Variants in KCNN1 observed in about 807,000 individuals in gnomAD.
KCNN1 encodes the protein potassium calcium-activated channel subfamily N member 1, also known as small conductance calcium-activated potassium channel protein 1.
A neutral mutation model predicts 44.7 loss-of-function variants in KCNN1; 20 were observed. That is an observed-to-expected ratio of 0.45 (90% CI 0.32 to 0.65). The LOEUF is 0.65. Ranked by LOEUF, KCNN1 falls within the 30% of genes least tolerant of loss-of-function variation. The pLI, the probability that KCNN1 is intolerant of heterozygous loss-of-function variation, is 0.05. For missense variants in KCNN1, 632 were observed against 785.3 expected, an observed-to-expected ratio of 0.80 and a Z score of 2.33; for synonymous variants, 324 against 341.7, an observed-to-expected ratio of 0.95 and a Z score of 0.57.
At chr19:17,971,672 C>T (rs770363206) in intron 1 of KCNN1, among the ~76,000 whole-genome samples, 6 of 151,700 alleles carry the variant, frequency 4.0e-5, no homozygotes, top group Non-Finnish European at 7.4e-5. Flanking sequence ...CCATGTTGGT[C>T]AGGCTGGTCT....
chr19:17,957,070 C>CA (rs2031559163), intron 2 of KCNN1, among the ~76,000 whole-genome samples: 2 of 94,282 alleles, frequency 2.1e-5, no homozygotes, highest in South Asian at 4.0e-4. Flanking sequence ...CAAAACAAAA[C>CA]AAAAAAACAA....
intron 1 of KCNN1, chr19:17,952,246 C>G (rs1364655732): frequency 6.6e-6 from 1 of 151,986 alleles, no homozygotes; most frequent in Non-Finnish European, 1.5e-5. Flanking sequence ...GCGCGCACAC[C>G]CTCCCGGCTC....
chr19:17,984,154 T>C (rs1027213464), intron 4 of KCNN1, among the ~76,000 whole-genome samples: 1 of 147,430 alleles, frequency 6.8e-6, no homozygotes, highest in African/African-American at 2.5e-5. Context: ...CAGAGAGAGA[T>C]ATTGTCTCAA....
intron 1 of KCNN1, 97 bp from the exon 2 acceptor site, chr19:17,973,711 C>A: frequency 7.2e-7 from 1 of 1,392,944 alleles, no homozygotes; most frequent in South Asian, 1.5e-5. Flanking sequence ...TGGGCCACTC[C>A]CAAACTTAGA....
intron 1 of KCNN1, among the ~76,000 whole-genome samples, chr19:17,968,435 G>T (rs1321572185): frequency 6.6e-6 from 1 of 151,894 alleles, no homozygotes; most frequent in Non-Finnish European, 1.5e-5. Context: ...TGGGGGGGAG[G>T]CACCATGAGG....
intron 9 of KCNN1, among the ~76,000 whole-genome samples, chr19:17,995,062 A>G (rs2032935531): frequency 6.6e-6 from 1 of 152,028 alleles, no homozygotes; most frequent in Non-Finnish European, 1.5e-5. Context: ...GTCCCATTCT[A>G]TTTTATTTCT....
intron 1 of KCNN1, among the ~76,000 whole-genome samples, chr19:17,972,846 C>T (rs546823080): frequency 6.6e-6 from 1 of 152,336 alleles, no homozygotes; most frequent in African/African-American, 2.4e-5. Flanking sequence ...ATTTCATCTT[C>T]CAGCGTTCAG....
intron 2 of KCNN1, among the ~76,000 whole-genome samples, chr19:17,961,337 G>T (rs1333989902): frequency 6.6e-6 from 1 of 152,008 alleles, no homozygotes; most frequent in African/African-American, 2.4e-5. Context: ...AGCACTTTGG[G>T]AGGCTGAGAT....
At chr19:17,960,064 CAG>C (rs1174239950) in intron 2 of KCNN1, among the ~76,000 whole-genome samples, 1 of 149,662 alleles carries the variant, frequency 6.7e-6, no homozygotes, top group Admixed American at 6.7e-5. Context: ...GCCTGGGCAA[CAG>C]AGTGAGACTC....
At chr19:17,987,732 C>T (rs1357661642) in intron 5 of KCNN1, among the ~76,000 whole-genome samples, 1 of 150,690 alleles carries the variant, frequency 6.6e-6, no homozygotes, top group African/African-American at 2.4e-5. Flanking sequence ...GGTAATGGCT[C>T]ATGCCTGTAA....
At chr19:17,992,993 C>T (rs2145973183) in intron 7 of KCNN1, 61 bp from the exon 8 acceptor site, 1 of 1,606,656 alleles carries the variant, frequency 6.2e-7, no homozygotes, top group Non-Finnish European at 8.5e-7. Flanking sequence ...ACATGCCGAA[C>T]AACTGTGCTG....
At chr19:17,988,085 G>A (rs991370449) in intron 5 of KCNN1, among the ~76,000 whole-genome samples, 2 of 149,906 alleles carry the variant, frequency 1.3e-5, no homozygotes, top group African/African-American at 4.9e-5. Flanking sequence ...AACCTGGGAA[G>A]TGGAGGTTGC....
intron 3 of KCNN1, 32 bp from the exon 4 acceptor site, chr19:17,981,677 A>G: frequency 6.5e-7 from 1 of 1,540,772 alleles, no homozygotes; most frequent in South Asian, 1.2e-5. Flanking sequence ...CGTGTCTGAC[A>G]CCCATGGCTG....
intron 1 of KCNN1, among the ~76,000 whole-genome samples, chr19:17,971,223 C>T (rs2032011432): frequency 6.6e-6 from 1 of 152,194 alleles, no homozygotes; most frequent in Non-Finnish European, 1.5e-5. Flanking sequence ...TGACGATCTG[C>T]TAGTCTGTCA....
upstream of KCNN1, among the ~76,000 whole-genome samples, chr19:17,966,229 G>A (rs1380331191): frequency 6.6e-6 from 1 of 152,202 alleles, no homozygotes; most frequent in Non-Finnish European, 1.5e-5. Context: ...TAGGAGGTGG[G>A]ATCTGCTGGC....
chr19:17,974,211 A>T lies in KCNN1; in HGVS notation c.323A>T (p.Asp108Val), dbSNP rs1298646725. 1.2e-6 allele frequency: 2 copies of T among 1,612,538 alleles called. No individual in the cohort carries two copies. The highest frequency in any genetic ancestry group is 1.7e-6 in the Non-Finnish European group (2 of 1,179,076). The change falls in exon 2 of 10, where the codon GAC (aspartate) becomes GTC (valine). Residue 108 changes from aspartate (D) to valine (V), a missense_variant. Asp to Val is a radical substitution (Grantham distance 152). This residue lies in a region of KCNN1 where 235 missense variants were observed against 224.0 expected (regional missense o/e 1.05). Transcript: ENST00000684775. The surrounding 1 kb of genome is among the most constrained non-coding windows in gnomAD (Gnocchi z 7.3). ...ALFEKRKRLS[D>V]YALIFGMFGI... ...TTCGAGAAGCGGAAGCGCCTCAGCGACTATGCCCTCATTTTCGGCATGTTT... is the reference window on the plus strand; with the variant it reads ...TTCGAGAAGCGGAAGCGCCTCAGCGTCTATGCCCTCATTTTCGGCATGTTT...
At chr19:17,968,300 G>A (rs897498020) in intron 1 of KCNN1, among the ~76,000 whole-genome samples, 4 of 152,126 alleles carry the variant, frequency 2.6e-5, no homozygotes, top group Admixed American at 2.6e-4. Flanking sequence ...GAGGGGCAGG[G>A]AGCACCTTCT....
chr19:17,989,631 G>GA, intron 6 of KCNN1, 85 bp from the exon 7 acceptor site: 1 of 1,593,466 alleles, frequency 6.3e-7, no homozygotes, highest in Non-Finnish European at 8.6e-7. Context: ...GAAGTTTCTA[G>GA]AGGTTTCTGG....
At chr19:17,975,833 C>T (rs1430618512) in intron 3 of KCNN1, among the ~76,000 whole-genome samples, 1 of 152,096 alleles carries the variant, frequency 6.6e-6, no homozygotes, top group Non-Finnish European at 1.5e-5. Context: ...CACAGCCTCC[C>T]GAGTAGCTGG....
Sources: gnomAD v4.1 joint callset for allele counts (sites outside exome capture counted in the v4.1 genomes callset) on GRCh38, gnomAD v4.1.1 for gene constraint, gnomAD v4.1.1 regional missense constraint, Gnocchi (gnomAD v3.1) non-coding constraint, MANE v1.5 for transcripts, NCBI Gene and HGNC (gene_info 2026-07-23, HGNC 2026-07-21) for gene names.